ITPK1: variants seen among roughly 807,000 people sequenced by gnomAD.
The protein encoded by ITPK1 is inositol-tetrakisphosphate 1-kinase, also known as inositol 1,3,4-trisphosphate 5/6-kinase.
Under a neutral mutation model 45.3 loss-of-function variants are expected in ITPK1, and 21 were observed. The observed-to-expected ratio is 0.46, with a 90% CI of 0.33 to 0.67. ITPK1 has a LOEUF of 0.67. Among genes scored for constraint, ITPK1 ranks in the 30% least tolerant of loss-of-function variants. The pLI is 0.02. For synonymous variants in ITPK1, 258 were observed against 253.6 expected (o/e 1.02, Z -0.16); for missense variants, 474 against 573.5 (o/e 0.83, Z 1.77).
chr14:93,087,743 G>T (rs1891704404), intron 2 of ITPK1, among the ~76,000 whole-genome samples: 1 of 152,210 alleles, frequency 6.6e-6, no homozygotes, highest in Non-Finnish European at 1.5e-5. Context: ...AGGCAGGAAT[G>T]AATGAGGACC....
intron 3 of ITPK1, among the ~76,000 whole-genome samples, chr14:93,052,896 C>T (rs1566757968): frequency 6.6e-6 from 1 of 150,410 alleles, no homozygotes; most frequent in South Asian, 2.1e-4. Context: ...CCACACCTTT[C>T]GTCACCACTG....
chr14:93,017,846 G>C (rs989425903), intron 3 of ITPK1, among the ~76,000 whole-genome samples: 2 of 152,238 alleles, frequency 1.3e-5, no homozygotes, highest in Admixed American at 6.5e-5. Context: ...TGGGCACCAC[G>C]CTCAAAGCTT....
At chr14:93,022,703 G>A (rs1888533203) in intron 3 of ITPK1, among the ~76,000 whole-genome samples, 1 of 151,838 alleles carries the variant, frequency 6.6e-6, no homozygotes, top group Non-Finnish European at 1.5e-5. Flanking sequence ...GTAGAGATGG[G>A]TTTCACTACT....
intron 4 of ITPK1, among the ~76,000 whole-genome samples, chr14:93,013,160 C>T (rs1162641011): frequency 6.6e-6 from 1 of 152,218 alleles, no homozygotes; most frequent in African/African-American, 2.4e-5. Flanking sequence ...GAGAACCAAA[C>T]CTCAGGCAGA....
chr14:93,066,189 T>C (rs2139961401), intron 3 of ITPK1: 1 of 453,758 alleles, frequency 2.2e-6, no homozygotes, highest in South Asian at 1.6e-5. Flanking sequence ...ACTCACCCAG[T>C]AGACACAGCG....
At chr14:92,975,051 T>C (rs1399880208) in intron 5 of ITPK1, among the ~76,000 whole-genome samples, 1 of 152,202 alleles carries the variant, frequency 6.6e-6, no homozygotes, top group Non-Finnish European at 1.5e-5. Context: ...GCATGCCTCA[T>C]GCTGTTGCGA....
In ITPK1 at chr14:93,049,590, G is replaced by C. The variant is rs139310232; in HGVS notation, c.120+27005C>G. The stretch of plus-strand genomic sequence containing the variant: ...GACAATGAAAGGCCAGGAAAGGTTA[G>C]ATCAGTGGAGTGACTCAGATATTCT... On this transcript the variant is annotated intron_variant, in intron 3 of 10. Coordinates refer to ENST00000267615, the MANE Select transcript of ITPK1 (RefSeq NM_014216.6). Among the ~76,000 whole-genome samples, 95 of 152,278 alleles carry C rather than the reference G, an allele frequency of 6.2e-4. No homozygotes were observed. The East Asian group carries it at 0.014, about 22-fold the overall frequency.
At chr14:92,989,995 GC>G (rs1426580992) in intron 5 of ITPK1, among the ~76,000 whole-genome samples, 1 of 152,214 alleles carries the variant, frequency 6.6e-6, no homozygotes, top group African/African-American at 2.4e-5. Context: ...AGGTTGTTCT[GC>G]CATGGGAAAG....
At chr14:92,971,703 G>T (rs573405828) in intron 5 of ITPK1, among the ~76,000 whole-genome samples, 1 of 152,298 alleles carries the variant, frequency 6.6e-6, no homozygotes, top group East Asian at 1.9e-4. Context: ...GCAAAAGGAG[G>T]GCCAGCCCAG....
intron 4 of ITPK1, among the ~76,000 whole-genome samples, chr14:93,001,426 C>T: frequency 6.6e-6 from 1 of 152,168 alleles, no homozygotes; most frequent in East Asian, 1.9e-4. Flanking sequence ...AGAGGGGGCA[C>T]AATTCCGTCA....
At chr14:93,066,491 G>A (rs568350949) in intron 3 of ITPK1, 114 of 315,972 alleles carry the variant, frequency 3.6e-4, no homozygotes, top group Admixed American at 9.2e-4. Flanking sequence ...TGCAAGCTCC[G>A]CCTCCCGCGT....
At chr14:92,951,398 T>C (rs1407812186) in intron 9 of ITPK1, among the ~76,000 whole-genome samples, 3 of 152,102 alleles carry the variant, frequency 2.0e-5, no homozygotes, top group Admixed American at 2.0e-4. Flanking sequence ...TCACTGAGCC[T>C]CTCTGATGCC....
chr14:93,115,333 G>A (rs943896501), intron 1 of ITPK1, 28 bp from the exon 2 acceptor site: 41 of 278,936 alleles, frequency 1.5e-4, no homozygotes, highest in African/African-American at 9.0e-4. Flanking sequence ...GCGGGGCGGG[G>A]CGCGGCGGGC....
In ITPK1 at chr14:92,938,982, A is replaced by G; in HGVS notation, c.*2579T>C. ...CTGGAGCCCTTCAGCACATCCAGGG[A>G]CCACCATCAAGACAGGCACTGCAGG... On this transcript the variant is annotated 3_prime_UTR_variant, in exon 11 of 11. Coordinates refer to ENST00000267615, the MANE Select transcript of ITPK1 (RefSeq NM_014216.6). The G allele has an allele frequency of 5.5e-6, 1 of 182,824 alleles. No individual in the cohort carries two copies. Among genetic ancestry groups the G allele is most frequent in the South Asian group, 1.3e-4 (1 of 7,770 alleles). The allele number at this position is 182,824 out of a possible 1,614,324, so 11.3% of individuals were successfully genotyped here.
chr14:93,115,020 C>T, intron 2 of ITPK1, 49 bp downstream of exon 2: 1 of 1,257,790 alleles, frequency 8.0e-7, no homozygotes, highest in African/African-American at 1.6e-5. Flanking sequence ...CGGGGGTCAC[C>T]GGGCTCGGGC....
chr14:93,081,333 CA>C (rs72157810), intron 2 of ITPK1, among the ~76,000 whole-genome samples: 34,100 of 151,212 alleles, frequency 0.23, 5,262 homozygotes, highest in African/African-American at 0.44. Flanking sequence ...GATGCCGTCT[CA>C]AAAAAAACAC....
intron 3 of ITPK1, among the ~76,000 whole-genome samples, chr14:93,045,371 G>A (rs900230380): frequency 4.6e-5 from 7 of 152,202 alleles, no homozygotes; most frequent in African/African-American, 1.7e-4. Flanking sequence ...GAGCACTGCC[G>A]CAGACTGAGA....
chr14:92,956,132 T>G (rs1393223776), intron 8 of ITPK1, among the ~76,000 whole-genome samples: 1 of 151,838 alleles, frequency 6.6e-6, no homozygotes, highest in East Asian at 1.9e-4. Flanking sequence ...TTTTTTTTTT[T>G]TTTTTAAGAG....
At chr14:93,075,819 C>T (rs779633421) in intron 3 of ITPK1, among the ~76,000 whole-genome samples, 16 of 152,174 alleles carry the variant, frequency 1.1e-4, no homozygotes, top group Admixed American at 2.0e-4. Context: ...AGATGAGGCC[C>T]GTAAGACAAG....
Sources: allele counts gnomAD v4.1 joint callset (sites outside exome capture counted in the v4.1 genomes callset), GRCh38; gene constraint gnomAD v4.1.1; transcripts MANE v1.5; gene names NCBI Gene and HGNC (gene_info 2026-07-23, HGNC 2026-07-21).